Variants in UTRN observed in about 807,000 individuals in gnomAD.
UTRN encodes the protein dystrophin-related protein 1.
A neutral mutation model predicts 463.9 loss-of-function variants in UTRN; 283 were observed. The observed-to-expected ratio is 0.61, with a 90% CI of 0.55 to 0.67. The LOEUF (loss-of-function observed/expected upper bound fraction) is 0.67, where lower values mean the gene tolerates loss of function less well. Ranked by LOEUF, UTRN falls within the 30% of genes least tolerant of loss-of-function variation. The pLI is 0.00. For missense variants in UTRN, 3,922 were observed against 4,084.3 expected, an observed-to-expected ratio of 0.96 and a Z score of 1.08; for synonymous variants, 1,442 against 1,431.5, an observed-to-expected ratio of 1.01 and a Z score of -0.17.
chr6:144,313,604 A>T (rs1450667103), intron 2 of UTRN, among the ~76,000 whole-genome samples: 1 of 152,194 alleles, frequency 6.6e-6, no homozygotes, highest in Non-Finnish European at 1.5e-5. Flanking sequence ...TCAGTTGGCC[A>T]AGCACCCATG....
chr6:144,451,912 G>A (rs1266303720), intron 18 of UTRN, among the ~76,000 whole-genome samples: 2 of 152,148 alleles, frequency 1.3e-5, no homozygotes, highest in African/African-American at 4.8e-5. Flanking sequence ...CTTTAGAGTT[G>A]TAAAAAATAA....
chr6:144,360,939 A>C (rs1164506373), intron 2 of UTRN, among the ~76,000 whole-genome samples: 3 of 152,144 alleles, frequency 2.0e-5, no homozygotes, highest in African/African-American at 7.2e-5. Context: ...TCTTGGGGGA[A>C]GGACCAAACT....
intron 61 of UTRN, among the ~76,000 whole-genome samples, chr6:144,785,225 A>G (rs1469978658): frequency 6.6e-6 from 1 of 152,196 alleles, no homozygotes; most frequent in Non-Finnish European, 1.5e-5. Context: ...CCGTCCTGAC[A>G]TTCACTCACT....
intron 51 of UTRN, among the ~76,000 whole-genome samples, chr6:144,676,281 C>T (rs892873503): frequency 6.6e-6 from 1 of 152,088 alleles, no homozygotes; most frequent in East Asian, 1.9e-4. Flanking sequence ...TTGTTATTTA[C>T]ATGCCAAATA....
At chr6:144,774,931 C>T (rs1334214080) in intron 60 of UTRN, among the ~76,000 whole-genome samples, 1 of 152,048 alleles carries the variant, frequency 6.6e-6, no homozygotes, top group African/African-American at 2.4e-5. Flanking sequence ...TATTTCCTCC[C>T]GCAAAATAAC....
chr6:144,641,899 C>G (rs1412809138), intron 51 of UTRN, among the ~76,000 whole-genome samples: 1 of 152,172 alleles, frequency 6.6e-6, no homozygotes, highest in Non-Finnish European at 1.5e-5. Context: ...AATCTTGACA[C>G]AGGCAATGCA....
At chr6:144,304,485 C>A (rs974674277) in intron 2 of UTRN, among the ~76,000 whole-genome samples, 1 of 152,136 alleles carries the variant, frequency 6.6e-6, no homozygotes, top group Non-Finnish European at 1.5e-5. Flanking sequence ...GGCAGTTACA[C>A]AGTTGTAAAA....
intron 2 of UTRN, among the ~76,000 whole-genome samples, chr6:144,325,452 C>T (rs1775918633): frequency 6.6e-6 from 1 of 152,108 alleles, no homozygotes. Flanking sequence ...GATGCCAGTG[C>T]CATGCTTTTG....
At chr6:144,704,862 T>C (rs1054268282) in intron 53 of UTRN, among the ~76,000 whole-genome samples, 5 of 152,026 alleles carry the variant, frequency 3.3e-5, no homozygotes, top group African/African-American at 1.2e-4. Context: ...TTTGGGAGGC[T>C]GAAGCAGGAG....
rs551364870 is a variant in UTRN, at chr6:144,339,109, C to T, written c.79+47202C>T. Among the ~76,000 whole-genome samples, 17 of 152,098 alleles carry T rather than the reference C, an allele frequency of 1.1e-4. No homozygotes were observed. In the South Asian group the frequency reaches 2.1e-3, roughly 19 times the overall value. On this transcript the variant is annotated intron_variant, in intron 2 of 74. Transcript: ENST00000367545. ...GTTCTGGTTCAGCAGCACCTCTGGC[C>T]CTAGGGTTTTGGAAAAGAGGTTGTG...
chr6:144,429,782 T>G, intron 9 of UTRN, 41 bp downstream of exon 9: 1 of 1,592,844 alleles, frequency 6.3e-7, no homozygotes, highest in Non-Finnish European at 8.5e-7. Flanking sequence ...CTTGCCGTAT[T>G]TGTTTTCTCC....
At chr6:144,739,095 A>G (rs1374143887) in intron 54 of UTRN, among the ~76,000 whole-genome samples, 2 of 152,182 alleles carry the variant, frequency 1.3e-5, no homozygotes, top group African/African-American at 2.4e-5. Context: ...CCTTTGACAG[A>G]TGGCTATGTA....
intron 32 of UTRN, among the ~76,000 whole-genome samples, chr6:144,492,733 C>T (rs1030366858): frequency 6.6e-6 from 1 of 152,124 alleles, no homozygotes; most frequent in African/African-American, 2.4e-5. Flanking sequence ...GAGATAGTAT[C>T]TTATTGTGGT....
chr6:144,638,065 G>C (rs1777372018), intron 51 of UTRN, among the ~76,000 whole-genome samples: 2 of 152,204 alleles, frequency 1.3e-5, no homozygotes, highest in South Asian at 4.1e-4. Context: ...TAGATATCAA[G>C]ATAGTATTTA....
In UTRN at chr6:144,462,843, G is replaced by A. The variant is rs1400830224; in HGVS notation, c.3043G>A (p.Ala1015Thr). The change falls in exon 23 of 75, where the codon GCT (alanine) becomes ACT (threonine). Residue 1015 changes from alanine to threonine, a missense_variant. Around this residue, in one of 3 missense-constraint regions of UTRN, gnomAD observed 2,349 missense variants for 2,303.8 expected, o/e 1.02. Transcript: ENST00000367545. The stretch of plus-strand genomic sequence containing the variant: ...AGATCTACATTTGCTTGAGGAAATT[G>A]CTCTCACACTCAGAGCTTTTGAGGT... ...SKDLHLLEEI[A>T]LTLRAFEADS... The A allele has an allele frequency of 1.9e-6, 3 of 1,605,620 alleles. No individual in the cohort carries two copies. In the Middle Eastern group the frequency reaches 5.0e-4, roughly 266 times the overall value.
intron 50 of UTRN, among the ~76,000 whole-genome samples, chr6:144,561,371 T>C (rs965505132): frequency 6.6e-6 from 1 of 150,650 alleles, no homozygotes; most frequent in Non-Finnish European, 1.5e-5. Context: ...ACTGTGTGTA[T>C]AGACGTGTTT....
At position 144,475,367 on chromosome 6, in the gene UTRN, G is replaced by A. The variant is rs538202748; in HGVS notation, c.3336+608G>A. ...ATAGCAGGCTTTAAAACTCTGTGGT[G>A]GGAATGAACTTGGTCTGTTTAATAA... On this transcript the variant is annotated intron_variant, in intron 25 of 74. Coordinates refer to ENST00000367545, the MANE Select transcript of UTRN (RefSeq NM_007124.3). 2.4e-4 allele frequency among the ~76,000 whole-genome samples: 36 copies of A among 152,304 alleles called. No individual in the cohort carries two copies. The South Asian group carries it at 7.5e-3, about 32-fold the overall frequency.
chr6:144,615,233 C>G (rs1334155705), intron 51 of UTRN, among the ~76,000 whole-genome samples: 2 of 152,118 alleles, frequency 1.3e-5, no homozygotes, highest in African/African-American at 2.4e-5. Flanking sequence ...AAATGACACA[C>G]TTCTCAATGG....
In UTRN at chr6:144,768,941, G is replaced by GT. The variant is rs1204880630; in HGVS notation, c.8496-2960dup. ...GTACTTAACTGTTAATTGCTACTTT[G>GT]TTTTTTGTTTTGTTTTGTTTTTTTT... On this transcript the variant is annotated intron_variant, in intron 58 of 74. Coordinates refer to ENST00000367545, the MANE Select transcript of UTRN (RefSeq NM_007124.3). Among the ~76,000 whole-genome samples, 169 of 96,826 alleles carry GT rather than the reference G, an allele frequency of 1.7e-3. 2 individuals are homozygous for GT. Among genetic ancestry groups the GT allele is most frequent in the African/African-American group, 7.1e-3 (135 of 19,110 alleles). 63.5% of individuals were successfully genotyped at this position (96,826 alleles called of 152,430 possible). A position where few individuals can be genotyped will look rare whatever the true frequency, so the allele number is the denominator to read the frequency against.
Sources: allele counts gnomAD v4.1 joint callset (sites outside exome capture counted in the v4.1 genomes callset), GRCh38; gene constraint gnomAD v4.1.1; regional missense constraint gnomAD v4.1.1; transcripts MANE v1.5; gene names NCBI Gene and HGNC (gene_info 2026-07-23, HGNC 2026-07-21).